PMS1: variants seen among roughly 807,000 people sequenced by gnomAD.
PMS1 encodes the protein PMS1 protein homolog 1.
PMS1 carries 79 observed loss-of-function variants against 93.1 expected under a neutral mutation model. The ratio of observed to expected loss-of-function variants is 0.85; its 90% CI spans 0.71 to 1.02. The LOEUF (loss-of-function observed/expected upper bound fraction) is 1.02, where lower values mean the gene tolerates loss of function less well. PMS1 is among the 50% of genes least tolerant of loss of function. The pLI is 0.00. For missense variants in PMS1, 1,064 were observed against 1,085.3 expected (o/e 0.98, Z 0.28); for synonymous variants, 335 against 363.4 (o/e 0.92, Z 0.89).
chr2:189,857,482 T>A (rs2055458827), intron 9 of PMS1: 2 of 469,182 alleles, frequency 4.3e-6, no homozygotes, highest in Non-Finnish European at 8.8e-6. Context: ...TGGAGTTCTG[T>A]CCATGATCCT....
intron 5 of PMS1, among the ~76,000 whole-genome samples, chr2:189,839,286 T>G (rs1425496253): frequency 6.6e-6 from 1 of 152,202 alleles, no homozygotes; most frequent in African/African-American, 2.4e-5. Flanking sequence ...CCACCACACC[T>G]GGCCTATGAT....
chr2:189,872,318 AG>A (rs774708637), intron 11 of PMS1, among the ~76,000 whole-genome samples: 74 of 152,336 alleles, frequency 4.9e-4, no homozygotes, highest in Non-Finnish European at 7.6e-4. Flanking sequence ...AATTGGGAAC[AG>A]GTAAGGGATT....
chr2:189,849,757 C>T (rs2054544704), intron 6 of PMS1, among the ~76,000 whole-genome samples: 1 of 152,048 alleles, frequency 6.6e-6, no homozygotes, highest in South Asian at 2.1e-4. Flanking sequence ...CTTTTACAGG[C>T]CCCTTTTCTT....
intron 10 of PMS1, among the ~76,000 whole-genome samples, chr2:189,865,818 G>A (rs1249223181): frequency 3.9e-5 from 6 of 152,056 alleles, no homozygotes; most frequent in East Asian, 3.8e-4. Flanking sequence ...AAAACCTGAA[G>A]TTTAAAAAGA....
chr2:189,868,014 T>TA, intron 11 of PMS1, 85 bp downstream of exon 11: 3 of 1,144,916 alleles, frequency 2.6e-6, no homozygotes, highest in South Asian at 1.2e-5. Flanking sequence ...GATTTACAGA[T>TA]ATGGTGGTAT....
rs1455930669 is a variant in PMS1 at position 189,854,580 on chromosome 2, T to C, written c.1308T>C (p.Phe436=). 1.9e-6 allele frequency: 3 copies of C among 1,613,560 alleles called. No homozygotes were observed. Among genetic ancestry groups the C allele is most frequent in the South Asian group, 2.2e-5 (2 of 91,076 alleles). The change falls in exon 9 of 13, where the codon TTT becomes TTC. Residue 436 remains phenylalanine (F), a synonymous_variant. Coordinates refer to ENST00000441310, the MANE Select transcript of PMS1 (RefSeq NM_000534.5). ...SNIDKNTKNA[F]QDISMSNVSW... Reference sequence around the variant, plus strand: ...TTGATAAAAACACTAAGAATGCATTTCAGGACATTTCAATGAGTAATGTAT... The same window carrying C: ...TTGATAAAAACACTAAGAATGCATTCCAGGACATTTCAATGAGTAATGTAT...
chr2:189,876,398 C>T (rs1233409676), intron 12 of PMS1, among the ~76,000 whole-genome samples: 3 of 152,152 alleles, frequency 2.0e-5, no homozygotes, highest in Non-Finnish European at 2.9e-5. Context: ...TATGACTCAA[C>T]GATGCTCAGT....
At chr2:189,858,015 T>C (rs534921525) in intron 9 of PMS1, among the ~76,000 whole-genome samples, 85 of 151,998 alleles carry the variant, frequency 5.6e-4, no homozygotes, top group African/African-American at 1.9e-3. Flanking sequence ...GTAAAGAAAG[T>C]TGGGGGAAGG....
intron 5 of PMS1, among the ~76,000 whole-genome samples, chr2:189,830,269 T>G (rs1337192564): frequency 4.6e-5 from 7 of 152,200 alleles, no homozygotes; most frequent in African/African-American, 1.7e-4. Context: ...CTCCTTTACC[T>G]CTGATTTCAT....
chr2:189,820,755 G>T (rs1279006394), intron 5 of PMS1, among the ~76,000 whole-genome samples: 1 of 152,136 alleles, frequency 6.6e-6, no homozygotes, highest in African/African-American at 2.4e-5. Flanking sequence ...TAATGGAATT[G>T]TTTTATATTT....
rs2106463133 is a variant in PMS1, at chr2:189,854,771, G to A, written c.1499G>A (p.Arg500Lys). 6.2e-7 allele frequency: 1 copy of A among 1,613,744 alleles called. No individual in the cohort carries two copies. The highest frequency in any genetic ancestry group is 8.5e-7 in the Non-Finnish European group (1 of 1,179,790). The change falls in exon 9 of 13, where the codon AGG (arginine) becomes AAG (lysine). Residue 500 changes from arginine (R) to lysine (K), a missense_variant. Transcript: ENST00000441310. ...SSEISADEWS[R>K]GNILKNSVGE... ...GAAATTTCTGCAGATGAGTGGAGCAGGGGAAATATACTTAAAAATTCAGTG... is the reference window on the plus strand; with the variant it reads ...GAAATTTCTGCAGATGAGTGGAGCAAGGGAAATATACTTAAAAATTCAGTG...
At chr2:189,868,958 A>C (rs1255504138) in intron 11 of PMS1, among the ~76,000 whole-genome samples, 1 of 152,164 alleles carries the variant, frequency 6.6e-6, no homozygotes, top group Non-Finnish European at 1.5e-5. Context: ...AACAACTAAT[A>C]ATTATTGAAT....
intron 12 of PMS1, 35 bp downstream of exon 12, chr2:189,873,691 A>T (rs761566239): frequency 6.6e-7 from 1 of 1,511,668 alleles, no homozygotes; most frequent in Admixed American, 1.7e-5. Context: ...TATTGTATAC[A>T]GGGGTCCCAA....
chr2:189,809,815 A>G (rs2050680172), intron 4 of PMS1, among the ~76,000 whole-genome samples: 1 of 152,166 alleles, frequency 6.6e-6, no homozygotes. Flanking sequence ...CTGGGCAACA[A>G]GAGTGAAACT....
At chr2:189,860,641 A>AGTTAGATTTCAATCTTT (rs1559316098) in intron 9 of PMS1, among the ~76,000 whole-genome samples, 2 of 152,110 alleles carry the variant, frequency 1.3e-5, no homozygotes, top group Admixed American at 6.6e-5. Flanking sequence ...TTGAAAAGTA[A>AGTTAGATTTCAATCTTT]TGAGAATTAA....
At chr2:189,811,609 A>G (rs1053808088) in intron 4 of PMS1, among the ~76,000 whole-genome samples, 10 of 152,170 alleles carry the variant, frequency 6.6e-5, no homozygotes, top group Non-Finnish European at 1.5e-4. Context: ...AACAAAAAAA[A>G]CTAATAACAT....
intron 6 of PMS1, among the ~76,000 whole-genome samples, chr2:189,848,234 A>G (rs886220968): frequency 2.0e-5 from 3 of 152,160 alleles, no homozygotes; most frequent in East Asian, 1.9e-4. Context: ...TACCTTTACC[A>G]TCATGCCCTG....
chr2:189,842,831 C>T (rs1350753293), intron 5 of PMS1, among the ~76,000 whole-genome samples: 1 of 151,986 alleles, frequency 6.6e-6, no homozygotes, highest in Non-Finnish European at 1.5e-5. Flanking sequence ...ATTGTTAGGT[C>T]AGTGGCTACT....
chr2:189,816,707 C>G (rs12475121), intron 4 of PMS1, among the ~76,000 whole-genome samples: 7 of 152,118 alleles, frequency 4.6e-5, no homozygotes, highest in African/African-American at 1.4e-4. Context: ...AAATTTTACA[C>G]TACAGTTTCA....
Sources: allele counts gnomAD v4.1 joint callset (sites outside exome capture counted in the v4.1 genomes callset), GRCh38; gene constraint gnomAD v4.1.1; transcripts MANE v1.5; gene names NCBI Gene and HGNC (gene_info 2026-07-23, HGNC 2026-07-21).